Variants in LRP1B observed in about 807,000 individuals in gnomAD.
LRP1B encodes the protein LDL receptor related protein 1B, also known as low-density lipoprotein receptor-related protein 1B.
LRP1B carries 217 observed loss-of-function variants against 556.6 expected under a neutral mutation model. The observed-to-expected ratio is 0.39, with a 90% CI of 0.35 to 0.44. The LOEUF (loss-of-function observed/expected upper bound fraction) is 0.44. Ranked by LOEUF, LRP1B falls within the 20% of genes least tolerant of loss-of-function variation. The pLI, the probability that LRP1B is intolerant of heterozygous loss-of-function variation, is 1.00. For missense variants in LRP1B, 5,053 were observed against 5,620.8 expected, an observed-to-expected ratio of 0.90 and a Z score of 3.23; for synonymous variants, 2,047 against 1,865.8, an observed-to-expected ratio of 1.10 and a Z score of -2.50.
chr2:140,291,337 T>A (rs1421231727), intron 84 of LRP1B, among the ~76,000 whole-genome samples: 1 of 128,484 alleles, frequency 7.8e-6, no homozygotes, highest in African/African-American at 2.7e-5. Flanking sequence ...ATACTTTAAG[T>A]TCTAGGGTAT....
chr2:141,488,829 G>C (rs911588365), intron 2 of LRP1B, among the ~76,000 whole-genome samples: 3 of 151,986 alleles, frequency 2.0e-5, no homozygotes, highest in Non-Finnish European at 4.4e-5. Flanking sequence ...CTAAGAATTT[G>C]TAACAAGTGC....
At chr2:140,826,076 T>C (rs897671386) in intron 31 of LRP1B, among the ~76,000 whole-genome samples, 3 of 152,206 alleles carry the variant, frequency 2.0e-5, no homozygotes, top group African/African-American at 7.2e-5. Context: ...AGAAACTCAT[T>C]TTGTCGTCTT....
chr2:142,086,080 A>T (rs1350206692), intron 1 of LRP1B, among the ~76,000 whole-genome samples: 1 of 152,224 alleles, frequency 6.6e-6, no homozygotes, highest in Non-Finnish European at 1.5e-5. Flanking sequence ...AGTTGCATTA[A>T]AGTAGGATTC....
chr2:142,005,917 A>C (rs1405114786), intron 1 of LRP1B, among the ~76,000 whole-genome samples: 2 of 151,872 alleles, frequency 1.3e-5, no homozygotes, highest in Non-Finnish European at 2.9e-5. Flanking sequence ...AAGAAAAAAA[A>C]CTGCATATTT....
intron 23 of LRP1B, among the ~76,000 whole-genome samples, chr2:140,892,702 G>A (rs917829423): frequency 2.6e-5 from 4 of 152,074 alleles, no homozygotes; most frequent in Admixed American, 6.6e-5. Context: ...CTATAAGAAT[G>A]CCGGTAAATG....
intron 2 of LRP1B, among the ~76,000 whole-genome samples, chr2:141,713,519 A>C (rs1450187153): frequency 6.6e-6 from 1 of 152,140 alleles, no homozygotes; most frequent in Non-Finnish European, 1.5e-5. Context: ...GTATCTGTTA[A>C]ATAGCAATGT....
intron 2 of LRP1B, among the ~76,000 whole-genome samples, chr2:141,519,521 A>C (rs1263137557): frequency 6.6e-6 from 1 of 151,742 alleles, no homozygotes; most frequent in Admixed American, 6.6e-5. Flanking sequence ...ATGCCATGTC[A>C]AGATAGCATT....
At chr2:141,511,135 G>T (rs1445127616) in intron 2 of LRP1B, among the ~76,000 whole-genome samples, 1 of 151,994 alleles carries the variant, frequency 6.6e-6, no homozygotes, top group East Asian at 1.9e-4. Flanking sequence ...TGCCCTCAAG[G>T]GATTGGACTG....
At chr2:140,571,478 A>G (rs1218083471) in intron 43 of LRP1B, among the ~76,000 whole-genome samples, 1 of 151,834 alleles carries the variant, frequency 6.6e-6, no homozygotes, top group African/African-American at 2.4e-5. Flanking sequence ...TTAACAAGGA[A>G]AACTATAAAA....
intron 41 of LRP1B, among the ~76,000 whole-genome samples, chr2:140,654,137 G>A (rs553843207): frequency 1.3e-5 from 2 of 149,224 alleles, no homozygotes; most frequent in Admixed American, 6.7e-5. Context: ...AGAATTTATA[G>A]AACTACTTGA....
At chr2:140,978,053 T>G (rs1696657828) in intron 18 of LRP1B, among the ~76,000 whole-genome samples, 1 of 152,144 alleles carries the variant, frequency 6.6e-6, no homozygotes, top group Non-Finnish European at 1.5e-5. Context: ...CATCACCAAT[T>G]TACAAATTCT....
At chr2:141,721,781 G>T (rs187686647) in intron 2 of LRP1B, among the ~76,000 whole-genome samples, 2 of 152,190 alleles carry the variant, frequency 1.3e-5, no homozygotes, top group South Asian at 4.1e-4. Context: ...AGAAAATTGT[G>T]AAAAATTATT....
chr2:141,735,273 T>C (rs7590801), intron 2 of LRP1B, among the ~76,000 whole-genome samples: 148,979 of 151,688 alleles, frequency 0.98, 73,225 homozygotes, highest in East Asian at 1. Flanking sequence ...AAAGGAAATA[T>C]AGATGGCATG....
At chr2:141,490,539 G>T (rs1683294145) in intron 2 of LRP1B, among the ~76,000 whole-genome samples, 1 of 151,998 alleles carries the variant, frequency 6.6e-6, no homozygotes, top group Admixed American at 6.6e-5. Flanking sequence ...GACAAAGTTG[G>T]CAAATAAAAA....
chr2:141,310,832 G>A (rs1686786884), intron 3 of LRP1B, among the ~76,000 whole-genome samples: 1 of 152,084 alleles, frequency 6.6e-6, no homozygotes, highest in East Asian at 1.9e-4. Flanking sequence ...TTGAAATTTG[G>A]AAGCAAAAGA....
At chr2:140,610,693 C>T (rs1042243608) in intron 41 of LRP1B, among the ~76,000 whole-genome samples, 2 of 152,234 alleles carry the variant, frequency 1.3e-5, no homozygotes, top group Non-Finnish European at 2.9e-5. Flanking sequence ...GCACGCCATT[C>T]TCCTGCCTCA....
intron 21 of LRP1B, among the ~76,000 whole-genome samples, chr2:140,909,754 T>A (rs970388188): frequency 6.6e-6 from 1 of 150,942 alleles, no homozygotes; most frequent in African/African-American, 2.4e-5. Context: ...TAAAATTACA[T>A]AAACTAAGAA....
intron 1 of LRP1B, among the ~76,000 whole-genome samples, chr2:141,838,846 G>A (rs1697375867): frequency 6.6e-6 from 1 of 152,102 alleles, no homozygotes. Context: ...ATTCAGATTA[G>A]TATTTGCTTT....
intron 33 of LRP1B, among the ~76,000 whole-genome samples, chr2:140,775,335 C>T (rs2104948313): frequency 6.6e-6 from 1 of 151,974 alleles, no homozygotes; most frequent in African/African-American, 2.4e-5. Flanking sequence ...TACCCCAAAT[C>T]CTTTAGATGA....
Sources: allele counts gnomAD v4.1 joint callset (sites outside exome capture counted in the v4.1 genomes callset), GRCh38; gene constraint gnomAD v4.1.1; transcripts MANE v1.5; gene names NCBI Gene and HGNC (gene_info 2026-07-23, HGNC 2026-07-21).